The following MESD variants were observed in gnomAD, a reference collection of about 807,000 sequenced individuals.
MESD encodes mesoderm development LRP chaperone.
In MESD, 7 loss-of-function variants were observed where a neutral mutation model predicts 12.9. The observed-to-expected ratio is 0.54, with a 90% CI of 0.31 to 1.02. The LOEUF is 1.02. Ranked by LOEUF, MESD falls within the 50% of genes least tolerant of loss-of-function variation. MESD has a pLI of 0.05. For synonymous variants in MESD, 126 were observed against 115.6 expected, an observed-to-expected ratio of 1.09 and a Z score of -0.58; for missense variants, 342 against 296.7, an observed-to-expected ratio of 1.15 and a Z score of -1.12.
chr15:80,968,578 G>C (rs531151300), intron 3 of MESD, among the ~76,000 whole-genome samples: 1 of 152,320 alleles, frequency 6.6e-6, no homozygotes, highest in African/African-American at 2.4e-5. Context: ...AGGCCAAGGT[G>C]GGAGGATCGC....
At chr15:80,948,924 A>G (rs752605764) in intron 4 of MESD, 1 of 1,614,220 alleles carries the variant, frequency 6.2e-7, no homozygotes, top group South Asian at 1.1e-5. Context: ...AGAAGTTGTG[A>G]GGACAGCTGC....
intron 3 of MESD, among the ~76,000 whole-genome samples, chr15:80,967,234 G>A (rs1902192365): frequency 6.6e-6 from 1 of 152,110 alleles, no homozygotes; most frequent in East Asian, 1.9e-4. Flanking sequence ...GGAGGTTGTG[G>A]TGAACCGAGA....
At position 80,979,335 on chromosome 15, in the gene MESD, T is replaced by C. The variant is rs1555442302; in HGVS notation, c.589A>G (p.Ser197Gly). The change falls in exon 3 of 3, where the codon AGC (serine) becomes GGC (glycine). Residue 197 changes from serine to glycine, a missense_variant. Ser to Gly is a moderately conservative substitution (Grantham distance 56, BLOSUM62 0). Transcript: ENST00000261758. ...GQVYPGKGGG[S>G]KEKNKTKQDK... ...TGCTTTGTTTTATTTTTCTCTTTGC[T>C]TCCTCCTCCTTTGCCGGGGTACACC... is the stretch of plus-strand genomic sequence containing the variant. 1 of 1,614,236 alleles carries C rather than the reference T, an allele frequency of 6.2e-7. No individual in the cohort carries two copies. The highest frequency in any genetic ancestry group is 8.5e-7 in the Non-Finnish European group (1 of 1,180,048).
intron 3 of MESD, among the ~76,000 whole-genome samples, chr15:80,954,542 T>C (rs1181580551): frequency 1.3e-5 from 2 of 152,146 alleles, no homozygotes; most frequent in Non-Finnish European, 2.9e-5. Context: ...CACAGGCACC[T>C]GGCAGTGCCC....
chr15:80,987,392 C>T (rs1438368239), intron 1 of MESD, among the ~76,000 whole-genome samples: 4 of 152,158 alleles, frequency 2.6e-5, no homozygotes, highest in Admixed American at 6.5e-5. Context: ...TCATTTAATC[C>T]GCATGGCACC....
rs60941228 is a variant in MESD at position 80,948,720 on chromosome 15, T to C, written c.*805A>G. On this transcript the variant is annotated 3_prime_UTR_variant, in exon 5 of 5. Coordinates refer to the MESD transcript ENST00000561312. The stretch of plus-strand genomic sequence containing the variant: ...CCTGGTGGGCGTGGGGGGCTGGCGA[T>C]GGGGAGCCATGGAACGGGGTGGGGC... The C allele has an allele frequency of 3.8e-3, 6,123 of 1,599,808 alleles. 219 individuals are homozygous for C. In the African/African-American group the frequency reaches 0.07, roughly 18 times the overall value.
chr15:80,963,219 G>A (rs1000455628), intron 3 of MESD, among the ~76,000 whole-genome samples: 1 of 152,142 alleles, frequency 6.6e-6, no homozygotes, highest in Non-Finnish European at 1.5e-5. Flanking sequence ...AAATAAACTA[G>A]AAAATCTAGA....
At chr15:80,957,140 G>C (rs1410537212) in intron 3 of MESD, among the ~76,000 whole-genome samples, 2 of 152,028 alleles carry the variant, frequency 1.3e-5, no homozygotes, top group Non-Finnish European at 2.9e-5. Flanking sequence ...ATCTTCTCTT[G>C]TGGGAGGAAA....
At chr15:80,983,933 A>G (rs183621641) in intron 1 of MESD, among the ~76,000 whole-genome samples, 78 of 118,522 alleles carry the variant, frequency 6.6e-4, no homozygotes, top group African/African-American at 2.5e-3. Context: ...ATGGAGTCTC[A>G]CTCTGTCACC....
At chr15:80,974,254 TCAGATA>T (rs1307551602), downstream of MESD, among the ~76,000 whole-genome samples, 1 of 152,042 alleles carries the variant, frequency 6.6e-6, no homozygotes, top group Non-Finnish European at 1.5e-5. Flanking sequence ...CAGACAACGC[TCAGATA>T]CGGAGGGAAA....
In MESD at chr15:80,979,269, G is replaced by A. The variant is rs756370348; in HGVS notation, c.655C>T (p.Arg219Trp). The A allele has an allele frequency of 6.2e-6, 10 of 1,613,832 alleles. No individual in the cohort carries two copies. The highest frequency in any genetic ancestry group is 2.2e-5 in the East Asian group (1 of 44,892). ...KKKKEGDLKS[R>W]SSKEENRAGN... ...GCTCGATTTTCTTCCTTGGAAGACC[G>A]AGATTTCAGATCTCCTTCCTTCTTT... The change falls in exon 3 of 3, where the codon CGG becomes TGG. Residue 219 changes from arginine (R) to tryptophan (W), a missense_variant. Coordinates refer to ENST00000261758, the MANE Select transcript of MESD (RefSeq NM_015154.3).
chr15:80,947,008 G>A (rs775476896), downstream of MESD: 33 of 1,613,970 alleles, frequency 2.0e-5, no homozygotes, highest in African/African-American at 8.0e-5. Context: ...CGTCTCCAGA[G>A]GCCCATGGAC....
intron 1 of MESD, among the ~76,000 whole-genome samples, chr15:80,984,988 C>CTAAG (rs1322576874): frequency 6.6e-6 from 1 of 152,212 alleles, no homozygotes; most frequent in African/African-American, 2.4e-5. Flanking sequence ...GTGACCCTGC[C>CTAAG]TAAGAATCCT....
At chr15:80,952,065 T>G in exon 4 of MESD, 1 of 403,084 alleles carries the variant, frequency 2.5e-6, no homozygotes, top group Non-Finnish European at 5.0e-6. Context: ...TGCTGCGTCC[T>G]CCACATTTCT....
intron 3 of MESD, among the ~76,000 whole-genome samples, chr15:80,959,789 C>T (rs552769402): frequency 1.3e-5 from 2 of 152,212 alleles, no homozygotes; most frequent in African/African-American, 4.8e-5. Context: ...TAGCTCATGT[C>T]CCCATTATCT....
intron 1 of MESD, 74 bp downstream of exon 1, chr15:80,989,505 A>T (rs1449491848): frequency 2.0e-6 from 3 of 1,500,922 alleles, no homozygotes; most frequent in Non-Finnish European, 1.8e-6. Flanking sequence ...GTCCCAAGAC[A>T]GAACAGGTAA....
chr15:80,979,647 T>A (rs1902520782), intron 2 of MESD, among the ~76,000 whole-genome samples, 170 bp from the exon 3 acceptor site: 1 of 152,260 alleles, frequency 6.6e-6, no homozygotes, highest in African/African-American at 2.4e-5. Context: ...ATTAAAATAC[T>A]AGCTTGCTGA....
Position 80,979,425 on chromosome 15 carries a change from C to A in MESD, c.499G>T (p.Ala167Ser). 1 of 1,614,202 alleles carries A rather than the reference C, an allele frequency of 6.2e-7. No individual in the cohort carries two copies. Among genetic ancestry groups the A allele is most frequent in the East Asian group, 2.2e-5 (1 of 44,882 alleles). ...ACCAAAAAGTCCTTGATCTCCCAGG[C>A]GTAGCTCCCATCGCGAAGCATGAAG... ...AIFMLRDGSY[A>S]WEIKDFLVGQ... is the part of the protein sequence containing the mutation. Residue 167 changes from alanine to serine, a missense_variant, in exon 3 of 3, where the codon GCC becomes TCC. Physicochemically the swap from Ala to Ser is moderately conservative, Grantham distance 99. Coordinates refer to ENST00000261758, the MANE Select transcript of MESD (RefSeq NM_015154.3).
downstream of MESD, among the ~76,000 whole-genome samples, chr15:80,974,067 C>A (rs533452395): frequency 6.6e-6 from 1 of 152,136 alleles, no homozygotes; most frequent in Non-Finnish European, 1.5e-5. Context: ...TGGTTCCCCC[C>A]CCCACTGGGG....
Sources: allele counts gnomAD v4.1 joint callset (sites outside exome capture counted in the v4.1 genomes callset), GRCh38; gene constraint gnomAD v4.1.1; transcripts MANE v1.5; gene names NCBI Gene and HGNC (gene_info 2026-07-23, HGNC 2026-07-21).